The following DOK3 variants were observed in gnomAD, a reference collection of about 807,000 sequenced individuals.
DOK3 encodes Dok-like protein.
In DOK3, 23 loss-of-function variants were observed where a neutral mutation model predicts 26.2. The observed-to-expected ratio is 0.88, with a 90% CI of 0.63 to 1.24. The LOEUF (loss-of-function observed/expected upper bound fraction) is 1.24, where lower values mean the gene tolerates loss of function less well. DOK3 is among the 50% of genes most tolerant of loss of function. The pLI is 0.00. For missense variants in DOK3, 619 were observed against 610.6 expected (o/e 1.01, Z -0.15); for synonymous variants, 268 against 268.2 (o/e 1.00, Z 0.01).
rs1759447600 is a variant in DOK3 at position 177,502,445 on chromosome 5, G to A, written c.*1538C>T. Reference sequence around the variant, plus strand: ...ATGAATGGGCGCAGGAGAGAGTGGGGACAGCTCAATTTTCCAAGCTCTGAG... The same window carrying A: ...ATGAATGGGCGCAGGAGAGAGTGGGAACAGCTCAATTTTCCAAGCTCTGAG... On this transcript the variant is annotated 3_prime_UTR_variant, in exon 6 of 6. Coordinates refer to ENST00000510898, the MANE Select transcript of DOK3 (RefSeq NM_001308236.3). The A allele has an allele frequency of 6.5e-6, 1 of 152,762 alleles. No individual in the cohort carries two copies. The highest frequency in any genetic ancestry group is 2.4e-5 in the African/African-American group (1 of 41,472). 9.5% of individuals were successfully genotyped at this position (152,762 alleles called of 1,614,324 possible).
Position 177,503,763 on chromosome 5 carries a change from C to T in DOK3, c.*220G>A. On this transcript the variant is annotated 3_prime_UTR_variant, in exon 6 of 6. Transcript: ENST00000510898. ...GGCAGGGGCGTGTGCCGTGAGTGCC[C>T]CTGCCGGGAGCTGCTCTGAGCTTTA... 1 of 1,418,396 alleles carries T rather than the reference C, an allele frequency of 7.1e-7. No individual in the cohort carries two copies. The highest frequency in any genetic ancestry group is 9.2e-7 in the Non-Finnish European group (1 of 1,091,752). The allele number at this position is 1,418,396 out of a possible 1,614,324, so 87.9% of individuals were successfully genotyped here. A position where few individuals can be genotyped will look rare whatever the true frequency, so the allele number is the denominator to read the frequency against.
At chr5:177,505,863 A>G (rs1392396127) in intron 3 of DOK3, among the ~76,000 whole-genome samples, 1 of 151,986 alleles carries the variant, frequency 6.6e-6, no homozygotes, top group Admixed American at 6.5e-5. Flanking sequence ...CAGCCTCCCA[A>G]GTAGCTGGGA....
Position 177,505,013 on chromosome 5 carries a change from T to C in DOK3, c.470A>G (p.Glu157Gly). 1.9e-6 allele frequency: 3 copies of C among 1,606,692 alleles called. No individual in the cohort carries two copies. The highest frequency in any genetic ancestry group is 2.5e-6 in the Non-Finnish European group (3 of 1,176,564). The change falls in exon 4 of 6, where the codon GAA becomes GGA. Residue 157 changes from glutamate (E) to glycine (G), a missense_variant and splice_region_variant. Physicochemically the swap from Glu to Gly is moderately conservative, Grantham distance 98. Transcript: ENST00000510898. ...CCCTTGCACGTCCTCCAACTTACCTTCCTGCCAGGAGGAGTAGATGGAGTT... is the reference window on the plus strand; with the variant it reads ...CCCTTGCACGTCCTCCAACTTACCTCCCTGCCAGGAGGAGTAGATGGAGTT... ...EENSIYSSWQ[E>G]VGEFPVVVQR... is the part of the protein sequence containing the mutation.
chr5:177,504,777 G>C lies in DOK3; in HGVS notation c.611C>G (p.Pro204Arg), dbSNP rs777459614. 1 of 1,614,026 alleles carries C rather than the reference G, an allele frequency of 6.2e-7. No homozygotes were observed. The highest frequency in any genetic ancestry group is 8.5e-7 in the Non-Finnish European group (1 of 1,179,936). ...AKGTQALYSW[P>R]YHFLRKFGSD... ...GCCGAACTTGCGCAGGAAGTGGTAG[G>C]GCCAGCTGTAGAGGGCCTGGGTGCC... The change falls in exon 5 of 6, where the codon CCC becomes CGC. Residue 204 changes from proline to arginine, a missense_variant. Pro to Arg is a moderately radical substitution (Grantham distance 103, BLOSUM62 -2). Transcript: ENST00000510898.
At chr5:177,509,425 T>A (rs1312678037) in intron 2 of DOK3, 50 bp downstream of exon 2, 1 of 1,569,154 alleles carries the variant, frequency 6.4e-7, no homozygotes, top group Admixed American at 1.9e-5. Flanking sequence ...GGCTGCATTC[T>A]CCACCCACTG....
chr5:177,510,096 G>A (rs985817746), upstream of DOK3: 2 of 615,746 alleles, frequency 3.2e-6, no homozygotes, highest in South Asian at 1.9e-5. Context: ...ATCCCCCCAG[G>A]GGCCACTGCC....
At position 177,504,503 on chromosome 5, in the gene DOK3, G is replaced by C. The variant is rs371491459; in HGVS notation, c.803C>G (p.Pro268Arg). ...LPELTRPQPC[P>R]LPRATSLPSL... ...GGGCAGAGAGGTGGCCCGTGGCAGG[G>C]GGCAGGGCTGGGGCCTGGTCAGCTC... Residue 268 changes from proline to arginine, a missense_variant, in exon 6 of 6, where the codon CCC becomes CGC. Coordinates refer to ENST00000510898, the MANE Select transcript of DOK3 (RefSeq NM_001308236.3). The C allele has an allele frequency of 1.9e-6, 3 of 1,587,470 alleles. No homozygotes were observed. The highest frequency in any genetic ancestry group is 2.6e-6 in the Non-Finnish European group (3 of 1,170,126).
At position 177,503,749 on chromosome 5, in the gene DOK3, G is replaced by A; in HGVS notation, c.*234C>T. 7.1e-7 allele frequency: 1 copy of A among 1,417,254 alleles called. No individual in the cohort carries two copies. The highest frequency in any genetic ancestry group is 9.2e-7 in the Non-Finnish European group (1 of 1,090,966). The allele number at this position is 1,417,254 out of a possible 1,614,324, so 87.8% of individuals were successfully genotyped here. On this transcript the variant is annotated 3_prime_UTR_variant, in exon 6 of 6. Coordinates refer to ENST00000510898, the MANE Select transcript of DOK3 (RefSeq NM_001308236.3). ...CCGCAATGAACGTGGGCAGGGGCGT[G>A]TGCCGTGAGTGCCCCTGCCGGGAGC...
Position 177,509,807 on chromosome 5 carries a change from T to C in DOK3, c.-167A>G. On this transcript the variant is annotated 5_prime_UTR_variant, in exon 1 of 6. Transcript: ENST00000510898. ...AAGGCAGCCTTCTCACGCACCTGGT[T>C]CAGCTGGGCACGCGCGTCTGATCGC... The C allele has an allele frequency of 5.0e-6, 8 of 1,611,728 alleles. No homozygotes were observed. Among genetic ancestry groups the C allele is most frequent in the Non-Finnish European group, 6.8e-6 (8 of 1,179,960 alleles).
upstream of DOK3, chr5:177,509,982 A>G: frequency 8.2e-7 from 1 of 1,212,906 alleles, no homozygotes; most frequent in Non-Finnish European, 1.2e-6. Flanking sequence ...TCCTGGTTTG[A>G]GCGCCTCACC....
At chr5:177,508,134 AG>A in intron 3 of DOK3, 102 bp downstream of exon 3, 1 of 1,307,826 alleles carries the variant, frequency 7.6e-7, no homozygotes, top group East Asian at 2.7e-5. Flanking sequence ...CCAGGCTTGT[AG>A]GTGCTCGGTG....
rs56332126 is a variant in DOK3, at chr5:177,506,332, C to CTTT, written c.373-1225_373-1223dup. Among the ~76,000 whole-genome samples the CTTT allele has an allele frequency of 6.0e-4, 85 of 140,994 alleles. 1 individual carries two copies. The highest frequency in any genetic ancestry group is 1.4e-3 in the African/African-American group (52 of 38,044). 92.5% of individuals were successfully genotyped at this position (140,994 alleles called of 152,430 possible). A position where few individuals can be genotyped will look rare whatever the true frequency, so the allele number is the denominator to read the frequency against. On this transcript the variant is annotated intron_variant, in intron 3 of 5. Transcript: ENST00000510898. ...AAAATTTACTGTTTTAACCATCTTACTTTTTTTTTTTTTTTTGAGACAAAG... is the reference window on the plus strand; with the variant it reads ...AAAATTTACTGTTTTAACCATCTTACTTTTTTTTTTTTTTTTTTTGAGACAAAG...
Position 177,503,751 on chromosome 5 carries a change from G to A in DOK3, c.*232C>T. 1 of 1,417,706 alleles carries A rather than the reference G, an allele frequency of 7.1e-7. No individual in the cohort carries two copies. The allele number at this position is 1,417,706 out of a possible 1,614,324, so 87.8% of individuals were successfully genotyped here. ...GCAATGAACGTGGGCAGGGGCGTGT[G>A]CCGTGAGTGCCCCTGCCGGGAGCTG... On this transcript the variant is annotated 3_prime_UTR_variant, in exon 6 of 6. Transcript: ENST00000510898.
Position 177,503,987 on chromosome 5 carries a change from G to A in DOK3, c.1319C>T (p.Pro440Leu). Residue 440 changes from proline to leucine, a missense_variant, in exon 6 of 6, where the codon CCC (proline) becomes CTC (leucine). Coordinates refer to ENST00000510898, the MANE Select transcript of DOK3 (RefSeq NM_001308236.3). ...GGCCACCACTCTGCTGGGCGTTCAG[G>A]GCCGGTCACAAGGGGCTGGGCCCTT... ...RRKGPAPCDR[P>L] 1 of 1,546,372 alleles carries A rather than the reference G, an allele frequency of 6.5e-7. No individual in the cohort carries two copies.
chr5:177,507,032 G>A (rs564436844), intron 3 of DOK3, among the ~76,000 whole-genome samples: 168 of 152,224 alleles, frequency 1.1e-3, no homozygotes, highest in Non-Finnish European at 1.9e-3. Context: ...TGTTGCCACT[G>A]TCTAGTTCCA....
rs777549146 is a variant in DOK3, at chr5:177,508,558, G to A, written c.67-16C>T. 1.4e-5 allele frequency: 21 copies of A among 1,516,066 alleles called. No individual in the cohort carries two copies. Among genetic ancestry groups the A allele is most frequent in the South Asian group, 3.7e-5 (3 of 81,112 alleles). 93.9% of individuals were successfully genotyped at this position (1,516,066 alleles called of 1,614,324 possible). A position where few individuals can be genotyped will look rare whatever the true frequency, so the allele number is the denominator to read the frequency against. On this transcript the variant is annotated splice_polypyrimidine_tract_variant and intron_variant, in intron 2 of 5. Coordinates refer to ENST00000510898, the MANE Select transcript of DOK3 (RefSeq NM_001308236.3). Reference sequence around the variant, plus strand: ...GCCAGCACTTCTGCGGGAGGGGAGCGGGAGGGTGAAGACCCTTGGGTGGCA... The same window carrying A: ...GCCAGCACTTCTGCGGGAGGGGAGCAGGAGGGTGAAGACCCTTGGGTGGCA...
At position 177,503,939 on chromosome 5, in the gene DOK3, C is replaced by T. The variant is rs1418978015; in HGVS notation, c.*44G>A. Reference sequence around the variant, plus strand: ...TGCCCACCAGCCCACCCTCCTGTCCCAGGGGGAGCACCTCTCCCCTCTGGC... The same window carrying T: ...TGCCCACCAGCCCACCCTCCTGTCCTAGGGGGAGCACCTCTCCCCTCTGGC... On this transcript the variant is annotated 3_prime_UTR_variant, in exon 6 of 6. Coordinates refer to ENST00000510898, the MANE Select transcript of DOK3 (RefSeq NM_001308236.3). The T allele has an allele frequency of 1.3e-6, 2 of 1,493,256 alleles. No homozygotes were observed. Among genetic ancestry groups the T allele is most frequent in the South Asian group, 2.6e-5 (2 of 76,974 alleles). 92.5% of individuals were successfully genotyped at this position (1,493,256 alleles called of 1,614,324 possible). A position where few individuals can be genotyped will look rare whatever the true frequency, so the allele number is the denominator to read the frequency against.
chr5:177,505,815 C>T (rs928373013), intron 3 of DOK3, among the ~76,000 whole-genome samples: 46 of 152,096 alleles, frequency 3.0e-4, no homozygotes, highest in Non-Finnish European at 6.3e-4. Flanking sequence ...TGGCTCACTG[C>T]AAGCTCCGCC....
In DOK3 at chr5:177,503,393, C is replaced by G. The variant is rs1232171021; in HGVS notation, c.*590G>C. The G allele has an allele frequency of 1.3e-6, 2 of 1,533,462 alleles. No individual in the cohort carries two copies. The highest frequency in any genetic ancestry group is 2.0e-5 in the Admixed American group (1 of 50,282). 95.0% of individuals were successfully genotyped at this position (1,533,462 alleles called of 1,614,324 possible). Reference sequence around the variant, plus strand: ...TGACGCCTGGGGTTCCCAGAAGTATCTGCAAATTGTTGGAGTTTCAGCAGG... The same window carrying G: ...TGACGCCTGGGGTTCCCAGAAGTATGTGCAAATTGTTGGAGTTTCAGCAGG... On this transcript the variant is annotated 3_prime_UTR_variant, in exon 6 of 6. Transcript: ENST00000510898.
Sources: allele counts gnomAD v4.1 joint callset (sites outside exome capture counted in the v4.1 genomes callset), GRCh38; gene constraint gnomAD v4.1.1; transcripts MANE v1.5; gene names NCBI Gene and HGNC (gene_info 2026-07-23, HGNC 2026-07-21).